FOXN3: variants seen among roughly 807,000 people sequenced by gnomAD.
FOXN3 encodes the protein forkhead box protein N3.
In FOXN3, 7 loss-of-function variants were observed where a neutral mutation model predicts 38.4. The observed-to-expected ratio is 0.18, with a 90% CI of 0.10 to 0.34. The LOEUF is 0.34. Ranked by LOEUF, FOXN3 falls within the 10% of genes least tolerant of loss-of-function variation. FOXN3 has a pLI of 1.00. For missense variants in FOXN3, 456 were observed against 613.4 expected, an observed-to-expected ratio of 0.74 and a Z score of 2.71; for synonymous variants, 230 against 242.2, an observed-to-expected ratio of 0.95 and a Z score of 0.47.
At chr14:89,439,150 CTATATGCTGGGCTCA>C (rs1892328411) in intron 1 of FOXN3, among the ~76,000 whole-genome samples, 1 of 152,148 alleles carries the variant, frequency 6.6e-6, no homozygotes, top group Non-Finnish European at 1.5e-5. Flanking sequence ...TGTGTGCCTT[CTATATGCTGGGCTCA>C]TAGCTTTACA....
chr14:89,235,677 G>A (rs1884957562), intron 4 of FOXN3, among the ~76,000 whole-genome samples: 1 of 152,182 alleles, frequency 6.6e-6, no homozygotes, highest in Non-Finnish European at 1.5e-5. Flanking sequence ...GTCCAGGTGG[G>A]CCCAGTGTAA....
intron 4 of FOXN3, among the ~76,000 whole-genome samples, chr14:89,260,513 C>T (rs1401109828): frequency 6.6e-6 from 1 of 152,262 alleles, no homozygotes; most frequent in Admixed American, 6.5e-5. Flanking sequence ...CAAAGAACTC[C>T]TGGCTGGCAC....
chr14:89,463,348 C>T (rs996885299), intron 1 of FOXN3, among the ~76,000 whole-genome samples: 1 of 152,060 alleles, frequency 6.6e-6, no homozygotes, highest in African/African-American at 2.4e-5. Context: ...GCAGACCCCT[C>T]GTGGTCCAAT....
At chr14:89,197,623 G>T (rs1315413454) in intron 4 of FOXN3, among the ~76,000 whole-genome samples, 2 of 152,296 alleles carry the variant, frequency 1.3e-5, no homozygotes, top group East Asian at 3.9e-4. Context: ...GTAAATGGAT[G>T]GCTTGTCCAA....
intron 4 of FOXN3, among the ~76,000 whole-genome samples, chr14:89,214,403 T>C (rs987547869): frequency 2.0e-5 from 3 of 152,236 alleles, no homozygotes; most frequent in Admixed American, 6.5e-5. Flanking sequence ...CCAGGCCTTC[T>C]TGTTTGGTTA....
intron 4 of FOXN3, among the ~76,000 whole-genome samples, chr14:89,221,945 T>C (rs1200312408): frequency 1.3e-5 from 2 of 152,000 alleles, no homozygotes; most frequent in African/African-American, 2.4e-5. Flanking sequence ...ACCTCAGCCT[T>C]CCAAGTAGCT....
chr14:89,447,031 T>C (rs1892516107), intron 1 of FOXN3, among the ~76,000 whole-genome samples: 2 of 152,150 alleles, frequency 1.3e-5, no homozygotes, highest in South Asian at 2.1e-4. Flanking sequence ...ACCCCGTCTC[T>C]ACTAAAAATA....
At chr14:89,556,436 A>T (rs1160528225) in intron 1 of FOXN3, among the ~76,000 whole-genome samples, 1 of 151,546 alleles carries the variant, frequency 6.6e-6, no homozygotes, top group Non-Finnish European at 1.5e-5. Flanking sequence ...AATCAGACTC[A>T]CTATGTGCCT....
chr14:89,312,636 ACTCGG>A (rs1887592383), intron 3 of FOXN3, among the ~76,000 whole-genome samples: 3 of 152,052 alleles, frequency 2.0e-5, no homozygotes, highest in Non-Finnish European at 1.5e-5. Context: ...CAATAAAAGG[ACTCGG>A]GCTTTAATAC....
intron 1 of FOXN3, among the ~76,000 whole-genome samples, chr14:89,489,499 C>T (rs1893528474): frequency 6.6e-6 from 1 of 152,176 alleles, no homozygotes; most frequent in African/African-American, 2.4e-5. Flanking sequence ...AAAAGCATTT[C>T]AAGGTAAATC....
intron 1 of FOXN3, among the ~76,000 whole-genome samples, chr14:89,609,587 G>C (rs962055590): frequency 6.6e-6 from 1 of 152,082 alleles, no homozygotes; most frequent in African/African-American, 2.4e-5. Context: ...ACATTACAGA[G>C]TTTTATTTCC....
At chr14:89,240,825 G>T (rs1459287988) in intron 4 of FOXN3, among the ~76,000 whole-genome samples, 1 of 152,170 alleles carries the variant, frequency 6.6e-6, no homozygotes. Context: ...AGGAGAAAGG[G>T]CCTGAGTGGA....
intron 1 of FOXN3, among the ~76,000 whole-genome samples, chr14:89,464,856 C>A (rs1352684343): frequency 6.6e-6 from 1 of 152,070 alleles, no homozygotes; most frequent in Non-Finnish European, 1.5e-5. Flanking sequence ...CACCACCACG[C>A]CCGGCTAATT....
intron 3 of FOXN3, among the ~76,000 whole-genome samples, chr14:89,329,714 C>G (rs1242750850): frequency 6.6e-6 from 1 of 151,854 alleles, no homozygotes. Context: ...AACAAATTAG[C>G]CGGGTGTGGT....
intron 1 of FOXN3, among the ~76,000 whole-genome samples, chr14:89,611,544 C>T (rs192157183): frequency 7.9e-4 from 121 of 152,276 alleles, no homozygotes; most frequent in East Asian, 3.9e-3. Context: ...CGGTGGCTCA[C>T]GCCTGTAATC....
chr14:89,516,194 T>C (rs1894198020), intron 1 of FOXN3, among the ~76,000 whole-genome samples: 1 of 152,244 alleles, frequency 6.6e-6, no homozygotes, highest in African/African-American at 2.4e-5. Flanking sequence ...AGATACTATA[T>C]GTGCAGAGAT....
intron 2 of FOXN3, among the ~76,000 whole-genome samples, chr14:89,360,728 C>CCACCTCCACCACT (rs1889468692): frequency 3.6e-5 from 4 of 111,336 alleles, no homozygotes; most frequent in African/African-American, 1.5e-4. Context: ...CCTCCACCAC[C>CCACCTCCACCACT]ACCACCTCCA....
intron 1 of FOXN3, among the ~76,000 whole-genome samples, chr14:89,449,976 C>A (rs552515260): frequency 3.3e-5 from 5 of 152,304 alleles, no homozygotes; most frequent in Admixed American, 1.3e-4. Context: ...AGAAGATGAA[C>A]AAGAGGACAT....
intron 3 of FOXN3, among the ~76,000 whole-genome samples, chr14:89,348,430 C>G (rs1888837287): frequency 6.6e-6 from 1 of 152,114 alleles, no homozygotes; most frequent in Non-Finnish European, 1.5e-5. Context: ...GTACAATTAC[C>G]CAGTGTTCAG....
Sources: gnomAD v4.1 joint callset for allele counts (sites outside exome capture counted in the v4.1 genomes callset) on GRCh38, gnomAD v4.1.1 for gene constraint, MANE v1.5 for transcripts, NCBI Gene and HGNC (gene_info 2026-07-23, HGNC 2026-07-21) for gene names.